AFP: variants seen among roughly 807,000 people sequenced by gnomAD.
The protein encoded by AFP is alpha-fetoprotein.
AFP carries 64 observed loss-of-function variants against 78.9 expected under a neutral mutation model. The observed-to-expected ratio is 0.81, with a 90% CI of 0.66 to 1.00. The LOEUF (loss-of-function observed/expected upper bound fraction) is 1.00. Among genes scored for constraint, AFP ranks in the 50% least tolerant of loss-of-function variants. The probability of loss-of-function intolerance (pLI) is 0.00; values close to 1 mark genes in which losing one functional copy is unlikely to be tolerated. For synonymous variants in AFP, 254 were observed against 243.8 expected (o/e 1.04, Z -0.39); for missense variants, 689 against 703.8 (o/e 0.98, Z 0.24).
At chr4:73,450,502 C>T (rs972930568) in intron 10 of AFP, 113 bp from the exon 11 acceptor site, 25 of 1,498,956 alleles carry the variant, frequency 1.7e-5, no homozygotes, top group Admixed American at 3.5e-5. Context: ...ATGAAACAAA[C>T]GAGCTGACCT....
At chr4:73,444,296 T>C (rs1014384622) in intron 6 of AFP, among the ~76,000 whole-genome samples, 6 of 152,208 alleles carry the variant, frequency 3.9e-5, no homozygotes, top group Admixed American at 6.5e-5. Context: ...ATTGAGATAG[T>C]ATTATAATAC....
In AFP at chr4:73,442,382, C is replaced by T. The variant is rs1271567108; in HGVS notation, c.569C>T (p.Pro190Leu). 2 of 1,614,058 alleles carry T rather than the reference C, an allele frequency of 1.2e-6. No homozygotes were observed. The highest frequency in any genetic ancestry group is 1.1e-5 in the South Asian group (1 of 91,076). The change falls in exon 5 of 15, where the codon CCA (proline) becomes CTA (leucine). Residue 190 changes from proline (P) to leucine (L), a missense_variant. Coordinates refer to ENST00000395792, the MANE Select transcript of AFP (RefSeq NM_001134.3). ...GCTGCTCGCTATGACAAAATAATTC[C>T]ATCTTGCTGCAAAGCTGAAAATGCA... ...LWAARYDKII[P>L]SCCKAENAVE...
intron 7 of AFP, among the ~76,000 whole-genome samples, chr4:73,446,169 G>A (rs548286099): frequency 2.0e-5 from 3 of 152,296 alleles, no homozygotes; most frequent in African/African-American, 7.2e-5. Context: ...GAAGAAGTGG[G>A]AGGAGGCAGC....
In AFP at chr4:73,438,214, T is replaced by G. The variant is rs1203241316; in HGVS notation, c.178T>G (p.Tyr60Asp). The change falls in exon 3 of 15, where the codon TAC (tyrosine) becomes GAC (aspartate). Residue 60 changes from tyrosine to aspartate, a missense_variant. Transcript: ENST00000395792. Reference sequence around the variant, plus strand: ...TGCCCAGTTTGTTCAAGAAGCCACTTACAAGGAAGTAAGCAAAATGGTGAA... The same window carrying G: ...TGCCCAGTTTGTTCAAGAAGCCACTGACAAGGAAGTAAGCAAAATGGTGAA... ...FFAQFVQEATYKEVSKMVKDA... is the reference protein window; with the variant it reads ...FFAQFVQEATDKEVSKMVKDA... The G allele has an allele frequency of 6.2e-7, 1 of 1,613,474 alleles. No individual in the cohort carries two copies. Among genetic ancestry groups the G allele is most frequent in the Admixed American group, 1.7e-5 (1 of 60,010 alleles).
intron 13 of AFP, 130 bp from the exon 14 acceptor site, chr4:73,455,106 A>T: frequency 1.4e-6 from 1 of 736,118 alleles, no homozygotes; most frequent in Non-Finnish European, 2.4e-6. Context: ...GGCATCAGAG[A>T]TGTGTTTCTT....
At chr4:73,447,358 C>T in intron 7 of AFP, 104 bp from the exon 8 acceptor site, 1 of 694,456 alleles carries the variant, frequency 1.4e-6, no homozygotes. Context: ...TTTCTTTGTT[C>T]CCTTCTCCCT....
chr4:73,442,229 A>C (rs1719690897), intron 4 of AFP, 67 bp from the exon 5 acceptor site: 1 of 1,442,164 alleles, frequency 6.9e-7, no homozygotes, highest in Admixed American at 1.8e-5. Flanking sequence ...CCCAGTGTCC[A>C]GTTCCAAGCA....
At chr4:73,445,636 T>A (rs1719798911) in intron 7 of AFP, among the ~76,000 whole-genome samples, 1 of 152,184 alleles carries the variant, frequency 6.6e-6, no homozygotes, top group South Asian at 2.1e-4. Context: ...CATAGCACAA[T>A]GCCTGGCACA....
intron 10 of AFP, among the ~76,000 whole-genome samples, 160 bp downstream of exon 10, chr4:73,450,293 A>G (rs1333070427): frequency 2.6e-5 from 4 of 152,200 alleles, no homozygotes; most frequent in Non-Finnish European, 5.9e-5. Flanking sequence ...TGCAGTAAAG[A>G]TATCCATTCT....
chr4:73,447,768 G>A, intron 8 of AFP, 92 bp downstream of exon 8: 1 of 1,087,106 alleles, frequency 9.2e-7, no homozygotes. Flanking sequence ...GATGATTATG[G>A]TTTTTGAGTT....
In AFP at chr4:73,453,795, A is replaced by T; in HGVS notation, c.1683A>T (p.Pro561=). ...TCATTAACCTTGTGAAGCAAAAGCC[A>T]CAAATAACAGAGGAACAACTTGAGG... ...EFLINLVKQK[P]QITEEQLEAV... Residue 561 remains proline (P), a synonymous_variant, in exon 13 of 15, where the codon CCA becomes CCT. Coordinates refer to ENST00000395792, the MANE Select transcript of AFP (RefSeq NM_001134.3). The T allele has an allele frequency of 6.2e-7, 1 of 1,613,822 alleles. No individual in the cohort carries two copies. Among genetic ancestry groups the T allele is most frequent in the East Asian group, 2.2e-5 (1 of 44,874 alleles).
intron 7 of AFP, among the ~76,000 whole-genome samples, chr4:73,445,793 C>A (rs1250304884): frequency 6.6e-6 from 1 of 152,140 alleles, no homozygotes; most frequent in African/African-American, 2.4e-5. Flanking sequence ...ATTTAAAAAA[C>A]CCAGCAACAG....
chr4:73,443,323 A>G, intron 5 of AFP, 24 bp from the exon 6 acceptor site: 1 of 1,553,602 alleles, frequency 6.4e-7, no homozygotes, highest in Non-Finnish European at 8.9e-7. Context: ...TGCTTTCATG[A>G]CATTTTGTTT....
At chr4:73,448,903 T>C (rs1297846468) in intron 8 of AFP, among the ~76,000 whole-genome samples, 1 of 152,146 alleles carries the variant, frequency 6.6e-6, no homozygotes, top group Non-Finnish European at 1.5e-5. Flanking sequence ...TTTATTTTCA[T>C]TGATTTATCG....
At chr4:73,453,353 G>A (rs1023311985) in intron 12 of AFP, 3 of 212,484 alleles carry the variant, frequency 1.4e-5, no homozygotes, top group Non-Finnish European at 2.9e-5. Context: ...TGCTAAGTGA[G>A]CAGTGCAGGC....
In AFP at chr4:73,448,833, A is replaced by G. The variant is rs971032097; in HGVS notation, c.1059-502A>G. The stretch of plus-strand genomic sequence containing the variant: ...GCCTAGAGAGAATTTTCTTGACCAC[A>G]TTCAAAGTTAGTGGCCTCTCCACCT... On this transcript the variant is annotated intron_variant, in intron 8 of 14. Transcript: ENST00000395792. Among the ~76,000 whole-genome samples, 3 of 152,120 alleles carry G rather than the reference A, an allele frequency of 2.0e-5. No individual in the cohort carries two copies. The East Asian group carries it at 5.8e-4, about 29-fold the overall frequency.
intron 11 of AFP, among the ~76,000 whole-genome samples, chr4:73,451,919 T>C (rs1226995646): frequency 6.6e-6 from 1 of 152,192 alleles, no homozygotes; most frequent in African/African-American, 2.4e-5. Flanking sequence ...CCCACAAAAT[T>C]GCTCTTACTT....
At chr4:73,442,718 G>A (rs1458400883) in intron 5 of AFP, among the ~76,000 whole-genome samples, 2 of 151,936 alleles carry the variant, frequency 1.3e-5, no homozygotes, top group African/African-American at 4.8e-5. Context: ...TAAATGGGAA[G>A]GAGTAAGTGA....
rs1371872409 is a variant in AFP, at chr4:73,455,874, G to A, written c.*254G>A. ...GCAGATTCTGTTAAAATAGCATTAA[G>A]TGTTGGTTATTATAGGAGATTAAAG... On this transcript the variant is annotated 3_prime_UTR_variant, in exon 15 of 15. Transcript: ENST00000395792. The A allele has an allele frequency of 3.6e-6, 2 of 548,304 alleles. No homozygotes were observed. Among genetic ancestry groups the A allele is most frequent in the East Asian group, 3.1e-5 (1 of 32,444 alleles). 34.0% of individuals were successfully genotyped at this position (548,304 alleles called of 1,614,324 possible).
Sources: gnomAD v4.1 joint callset for allele counts (sites outside exome capture counted in the v4.1 genomes callset) on GRCh38, gnomAD v4.1.1 for gene constraint, MANE v1.5 for transcripts, NCBI Gene and HGNC (gene_info 2026-07-23, HGNC 2026-07-21) for gene names.